Variants in POFUT3 observed in about 807,000 individuals in gnomAD.
POFUT3 encodes GDP-fucose protein O-fucosyltransferase 3.
chr8:33,448,557 A>C, the POFUT3 span, among the ~76,000 whole-genome samples: 1 of 152,098 alleles, frequency 6.6e-6, no homozygotes, highest in Admixed American at 6.5e-5. Flanking sequence ...GCACATCCCT[A>C]ACACTCCTGA....
the POFUT3 span, among the ~76,000 whole-genome samples, chr8:33,434,590 T>C: frequency 6.6e-6 from 1 of 152,180 alleles, no homozygotes; most frequent in East Asian, 1.9e-4. Flanking sequence ...ATTACCTTTT[T>C]TCCCCTTCCC....
the POFUT3 span, among the ~76,000 whole-genome samples, chr8:33,455,337 G>A: frequency 6.6e-6 from 1 of 152,116 alleles, no homozygotes; most frequent in African/African-American, 2.4e-5. Context: ...AGAAACTCCA[G>A]AAGTGCTGCC....
At chr8:33,455,764 T>C in the POFUT3 span, 1 of 453,502 alleles carries the variant, frequency 2.2e-6, no homozygotes, top group Non-Finnish European at 4.4e-6. Flanking sequence ...CAGCCAAGAG[T>C]GTTACCTCTT....
the POFUT3 span, among the ~76,000 whole-genome samples, chr8:33,345,684 T>C: frequency 6.6e-6 from 1 of 151,960 alleles, no homozygotes; most frequent in Admixed American, 6.6e-5. Flanking sequence ...TATGGCTTTT[T>C]AAATATGTTT....
the POFUT3 span, among the ~76,000 whole-genome samples, chr8:33,468,154 C>T: frequency 6.6e-6 from 1 of 151,824 alleles, no homozygotes; most frequent in Non-Finnish European, 1.5e-5. Context: ...GCAGGAGAAT[C>T]CCTTGAACCT....
the POFUT3 span, among the ~76,000 whole-genome samples, chr8:33,458,075 G>A: frequency 1.5e-4 from 23 of 152,194 alleles, no homozygotes; most frequent in African/African-American, 5.3e-4. Flanking sequence ...GAGTTAAAAC[G>A]GGTGGGCCCT....
chr8:33,465,837 T>C, the POFUT3 span, among the ~76,000 whole-genome samples: 3 of 152,164 alleles, frequency 2.0e-5, no homozygotes, highest in Non-Finnish European at 4.4e-5. Flanking sequence ...AACTCAAAGA[T>C]GTGTGGAAAG....
the POFUT3 span, among the ~76,000 whole-genome samples, chr8:33,443,450 T>C: frequency 6.6e-6 from 1 of 152,214 alleles, no homozygotes; most frequent in Non-Finnish European, 1.5e-5. Flanking sequence ...TTCAAAAATA[T>C]CTAAATAACA....
At chr8:33,429,021 A>G in the POFUT3 span, among the ~76,000 whole-genome samples, 1 of 152,218 alleles carries the variant, frequency 6.6e-6, no homozygotes, top group Non-Finnish European at 1.5e-5. Context: ...CATGATGCTA[A>G]GTCACAGGAT....
At chr8:33,312,123 G>A in the POFUT3 span, among the ~76,000 whole-genome samples, 1 of 151,958 alleles carries the variant, frequency 6.6e-6, no homozygotes, top group Non-Finnish European at 1.5e-5. Context: ...TTAGCCAGGC[G>A]TGGTGGCACA....
At chr8:33,357,195 C>T in the POFUT3 span, among the ~76,000 whole-genome samples, 1 of 152,000 alleles carries the variant, frequency 6.6e-6, no homozygotes, top group Non-Finnish European at 1.5e-5. Context: ...GTAGTTTTTT[C>T]CAATTCTGTG....
the POFUT3 span, among the ~76,000 whole-genome samples, chr8:33,342,900 G>C: frequency 6.6e-6 from 1 of 152,126 alleles, no homozygotes; most frequent in African/African-American, 2.4e-5. Context: ...AAGATCAGGA[G>C]TTTGAGACCA....
the POFUT3 span, among the ~76,000 whole-genome samples, chr8:33,453,756 G>A: frequency 1.3e-5 from 2 of 152,018 alleles, no homozygotes; most frequent in African/African-American, 2.4e-5. Context: ...GACCAGCCTG[G>A]CCAACATAGT....
the POFUT3 span, among the ~76,000 whole-genome samples, chr8:33,469,805 T>TTC: frequency 0.062 from 8,230 of 132,312 alleles, 464 homozygotes; most frequent in African/African-American, 0.17. Flanking sequence ...TACTTTTTCT[T>TTC]TTTTTTTTTT....
the POFUT3 span, among the ~76,000 whole-genome samples, chr8:33,354,226 T>C: frequency 2.6e-5 from 4 of 152,122 alleles, no homozygotes. Flanking sequence ...CGATAGGAGA[T>C]TACATATAGA....
chr8:33,470,081 T>C, the POFUT3 span, among the ~76,000 whole-genome samples: 1 of 151,572 alleles, frequency 6.6e-6, no homozygotes, highest in Non-Finnish European at 1.5e-5. Flanking sequence ...GTGTGAGCCA[T>C]GGCGCCCGGC....
At chr8:33,334,223 CT>C in the POFUT3 span, among the ~76,000 whole-genome samples, 322 of 144,566 alleles carry the variant, frequency 2.2e-3, no homozygotes, top group Middle Eastern at 3.6e-3. Context: ...TTGAAAATTC[CT>C]TTTTTTTTTT....
chr8:33,327,167 A>T, the POFUT3 span, among the ~76,000 whole-genome samples: 4 of 152,192 alleles, frequency 2.6e-5, no homozygotes, highest in African/African-American at 9.7e-5. Flanking sequence ...GTCTCCCAGT[A>T]AGCCCTGGGC....
the POFUT3 span, among the ~76,000 whole-genome samples, chr8:33,423,404 G>A: frequency 6.6e-6 from 1 of 152,028 alleles, no homozygotes; most frequent in East Asian, 2.0e-4. Context: ...GAGTAGATAG[G>A]ACTACAGGTT....
Sources: allele counts gnomAD v4.1 joint callset (sites outside exome capture counted in the v4.1 genomes callset), GRCh38; gene constraint gnomAD v4.1.1; transcripts MANE v1.5; gene names NCBI Gene and HGNC (gene_info 2026-07-23, HGNC 2026-07-21).